Variants in BPIFC observed in about 807,000 individuals in gnomAD.
BPIFC encodes BPI fold-containing family C protein.
In BPIFC, 60 loss-of-function variants were observed where a neutral mutation model predicts 57.6. That is an observed-to-expected ratio of 1.04 (90% CI 0.85 to 1.29). BPIFC has a LOEUF of 1.29. Ranked by LOEUF, BPIFC falls within the 50% of genes most tolerant of loss-of-function variation. BPIFC has a pLI of 0.00. For synonymous variants in BPIFC, 243 were observed against 224.5 expected, an observed-to-expected ratio of 1.08 and a Z score of -0.74; for missense variants, 581 against 600.5, an observed-to-expected ratio of 0.97 and a Z score of 0.34.
At chr22:32,460,942 T>G (rs981421581) in intron 2 of BPIFC, among the ~76,000 whole-genome samples, 2 of 152,210 alleles carry the variant, frequency 1.3e-5, no homozygotes, top group African/African-American at 4.8e-5. Flanking sequence ...AATGAATAAA[T>G]GAAGGAATAT....
At chr22:32,446,127 C>A (rs528550709) in intron 5 of BPIFC, 131 bp from the exon 6 acceptor site, 3 of 1,022,024 alleles carry the variant, frequency 2.9e-6, no homozygotes, top group Admixed American at 2.6e-5. Context: ...GACTTCCTTG[C>A]ACCTACAACA....
intron 13 of BPIFC, among the ~76,000 whole-genome samples, chr22:32,430,296 C>T (rs543924399): frequency 6.6e-6 from 1 of 152,272 alleles, no homozygotes; most frequent in African/African-American, 2.4e-5. Flanking sequence ...GACTGGATCA[C>T]AGTCATAGAG....
At chr22:32,445,818 C>T in intron 6 of BPIFC, 23 bp downstream of exon 6, 1 of 1,613,236 alleles carries the variant, frequency 6.2e-7, no homozygotes, top group Non-Finnish European at 8.5e-7. Flanking sequence ...CTAGCCACTG[C>T]CCAACCCAGG....
At chr22:32,458,593 T>C (rs1935095567) in intron 2 of BPIFC, among the ~76,000 whole-genome samples, 1 of 152,232 alleles carries the variant, frequency 6.6e-6, no homozygotes, top group South Asian at 2.1e-4. Flanking sequence ...GAATAGTGAC[T>C]GGCACACAGC....
chr22:32,427,443 C>T (rs1934099279), intron 13 of BPIFC, among the ~76,000 whole-genome samples: 1 of 152,144 alleles, frequency 6.6e-6, no homozygotes, highest in Admixed American at 6.5e-5. Context: ...GTTGTTTCTA[C>T]CTTCTCTAGG....
Position 32,431,562 on chromosome 22 carries a change from C to T in BPIFC, c.1150-148G>A, listed in dbSNP as rs1011820681. 4 of 577,380 alleles carry T rather than the reference C, an allele frequency of 6.9e-6. No homozygotes were observed. In the African/African-American group the frequency reaches 7.4e-5, roughly 11 times the overall value. The allele number at this position is 577,380 out of a possible 1,614,324, so 35.8% of individuals were successfully genotyped here. ...GTCTAAAAGACATTGGAAATACAGA[C>T]CTCTGAAAATCCTGTCTTGTAGTTA... On this transcript the variant is annotated intron_variant, in intron 12 of 16. Coordinates refer to ENST00000300399, the MANE Select transcript of BPIFC (RefSeq NM_174932.3).
chr22:32,417,170 AATCAATTGGCAG>A (rs1933703834), intron 14 of BPIFC, 22 bp from the exon 15 acceptor site: 1 of 1,540,842 alleles, frequency 6.5e-7, no homozygotes. Context: ...GAGGAAATAG[AATCAATTGGCAG>A]ATCGGGCTTT....
intron 2 of BPIFC, among the ~76,000 whole-genome samples, chr22:32,460,787 T>C (rs940522194): frequency 6.6e-6 from 1 of 152,228 alleles, no homozygotes; most frequent in Admixed American, 6.5e-5. Context: ...TGTATGTTTC[T>C]TTTCTGGCTT....
In BPIFC at chr22:32,450,093, T is replaced by TACAC. The variant is rs59948938; in HGVS notation, c.246-2757_246-2754dup. On this transcript the variant is annotated intron_variant, in intron 4 of 16. Coordinates refer to ENST00000300399, the MANE Select transcript of BPIFC (RefSeq NM_174932.3). ...AGTGGAATTGTTGGGTCAAAGAGCA[T>TACAC]ACACACACACACACACACACACACA... 3.1e-3 allele frequency among the ~76,000 whole-genome samples: 458 copies of TACAC among 145,600 alleles called. 1 individual carries two copies. The highest frequency in any genetic ancestry group is 8.7e-3 in the East Asian group (42 of 4,808).
Position 32,437,839 on chromosome 22 carries a change from A to C in BPIFC, c.668T>G (p.Ile223Ser), listed in dbSNP as rs1057291809. 6.2e-7 allele frequency: 1 copy of C among 1,608,766 alleles called. No individual in the cohort carries two copies. The highest frequency in any genetic ancestry group is 1.3e-5 in the African/African-American group (1 of 74,820). The change falls in exon 9 of 17, where the codon ATT becomes AGT. Residue 223 changes from isoleucine to serine, a missense_variant. Transcript: ENST00000300399. Reference sequence around the variant, plus strand: ...GTAATCCAGCAGAGTGTAGTTGTCAATCTTGGTTAAAACTAAATAACCAAC... The same window carrying C: ...GTAATCCAGCAGAGTGTAGTTGTCACTCTTGGTTAAAACTAAATAACCAAC... ...NLSTLEVLTK[I>S]DNYTLLDYSL...
rs738258 is a variant in BPIFC at position 32,415,287 on chromosome 22, C to T, written c.1401+628G>A. On this transcript the variant is annotated intron_variant, in intron 16 of 16. Transcript: ENST00000300399. Reference sequence around the variant, plus strand: ...ACCAGGTTCCTAACAGGCCACAGACCGGGACAGGTCCTGGGCCTGGGTGTT... The same window carrying T: ...ACCAGGTTCCTAACAGGCCACAGACTGGGACAGGTCCTGGGCCTGGGTGTT... Among the ~76,000 whole-genome samples, 185 of 152,238 alleles carry T rather than the reference C, an allele frequency of 1.2e-3. 1 individual carries two copies. Among genetic ancestry groups the T allele is most frequent in the South Asian group, 3.1e-3 (15 of 4,826 alleles).
chr22:32,460,989 C>G (rs557098948), intron 2 of BPIFC, among the ~76,000 whole-genome samples: 1 of 152,296 alleles, frequency 6.6e-6, no homozygotes, highest in South Asian at 2.1e-4. Context: ...CACTTCTTTA[C>G]AGAGATGGTT....
intron 3 of BPIFC, 73 bp downstream of exon 3, chr22:32,457,190 T>G: frequency 3.0e-5 from 45 of 1,512,414 alleles, no homozygotes; most frequent in Non-Finnish European, 3.5e-5. Flanking sequence ...GCCCATGTTA[T>G]GAGCTGTTCA....
At chr22:32,446,289 T>C (rs1934727187) in intron 5 of BPIFC, among the ~76,000 whole-genome samples, 1 of 152,200 alleles carries the variant, frequency 6.6e-6, no homozygotes, top group Admixed American at 6.5e-5. Context: ...ACCCTTCATA[T>C]ACAATGTTTG....
chr22:32,455,374 A>G (rs1442967738), intron 3 of BPIFC, among the ~76,000 whole-genome samples: 1 of 152,166 alleles, frequency 6.6e-6, no homozygotes, highest in African/African-American at 2.4e-5. Context: ...TATCTTGCAG[A>G]TATTACTAAT....
At chr22:32,441,201 T>C (rs993761303) in intron 8 of BPIFC, among the ~76,000 whole-genome samples, 1 of 152,202 alleles carries the variant, frequency 6.6e-6, no homozygotes, top group African/African-American at 2.4e-5. Flanking sequence ...TTCATCTAGA[T>C]TGAGCAGCAG....
intron 5 of BPIFC, among the ~76,000 whole-genome samples, chr22:32,446,477 T>C (rs1056234444): frequency 6.6e-6 from 1 of 152,184 alleles, no homozygotes; most frequent in African/African-American, 2.4e-5. Flanking sequence ...ACTCAGCATA[T>C]GGTTGATGAG....
At chr22:32,464,033 C>T (rs760724391) in intron 1 of BPIFC, among the ~76,000 whole-genome samples, 2 of 152,174 alleles carry the variant, frequency 1.3e-5, no homozygotes, top group South Asian at 2.1e-4. Context: ...TGCCACTGTG[C>T]TGGGTTCCCC....
At chr22:32,429,908 T>C (rs1268679569) in intron 13 of BPIFC, among the ~76,000 whole-genome samples, 1 of 152,234 alleles carries the variant, frequency 6.6e-6, no homozygotes, top group Non-Finnish European at 1.5e-5. Context: ...CTTTTCTGAC[T>C]CTGCTTACGT....
Sources: allele counts gnomAD v4.1 joint callset (sites outside exome capture counted in the v4.1 genomes callset), GRCh38; gene constraint gnomAD v4.1.1; transcripts MANE v1.5; gene names NCBI Gene and HGNC (gene_info 2026-07-23, HGNC 2026-07-21).